Variants in CCDC171 observed in about 807,000 individuals in gnomAD.
CCDC171 encodes the protein coiled-coil domain containing 171.
CCDC171 carries 177 observed loss-of-function variants against 168.2 expected under a neutral mutation model. The ratio of observed to expected loss-of-function variants is 1.05; its 90% confidence interval spans 0.93 to 1.19. The LOEUF (loss-of-function observed/expected upper bound fraction) is 1.19. Among genes scored for constraint, CCDC171 ranks in the 50% most tolerant of loss-of-function variants. The probability of loss-of-function intolerance (pLI) is 0.00; values close to 1 mark genes in which losing one functional copy is unlikely to be tolerated. For missense variants in CCDC171, 1,991 were observed against 1,539.0 expected (o/e 1.29, Z -4.91); for synonymous variants, 687 against 540.8 (o/e 1.27, Z -3.75).
chr9:15,633,825 C>T (rs1217272563), intron 7 of CCDC171, among the ~76,000 whole-genome samples: 3 of 152,194 alleles, frequency 2.0e-5, no homozygotes, highest in South Asian at 2.1e-4. Flanking sequence ...AGATATACAC[C>T]ATGGAATAGT....
rs371330850 is a variant in CCDC171 at position 15,609,624 on chromosome 9, A to G, written c.676-13643A>G. 2.6e-5 allele frequency among the ~76,000 whole-genome samples: 4 copies of G among 152,258 alleles called. No homozygotes were observed. In the South Asian group the frequency reaches 6.2e-4, roughly 24 times the overall value. ...ATTGATTTATAGTGTCATTTCCATCATACATCAAGTTCTTTTATATCTAAG... is the reference window on the plus strand; with the variant it reads ...ATTGATTTATAGTGTCATTTCCATCGTACATCAAGTTCTTTTATATCTAAG... On this transcript the variant is annotated intron_variant, in intron 6 of 25. Coordinates refer to ENST00000380701, the MANE Select transcript of CCDC171 (RefSeq NM_173550.4).
chr9:15,671,349 TTTTATC>T (rs1234265750), intron 9 of CCDC171, among the ~76,000 whole-genome samples: 1 of 152,032 alleles, frequency 6.6e-6, no homozygotes, highest in African/African-American at 2.4e-5. Context: ...TTAAATTTAT[TTTTATC>T]TTTATTTTTT....
At chr9:15,967,271 C>T (rs1346987116) in intron 25 of CCDC171, among the ~76,000 whole-genome samples, 2 of 152,148 alleles carry the variant, frequency 1.3e-5, no homozygotes, top group Admixed American at 6.5e-5. Flanking sequence ...TTGATTTCTT[C>T]ATCTGTTTAT....
downstream of CCDC171, chr9:16,061,459 T>A (rs1833930097): frequency 6.6e-6 from 1 of 152,224 alleles, no homozygotes; most frequent in Admixed American, 6.5e-5. Context: ...CTTTGTAGCC[T>A]CATGTTTATT....
chr9:15,960,440 C>T (rs1240769336), intron 25 of CCDC171, among the ~76,000 whole-genome samples: 3 of 152,074 alleles, frequency 2.0e-5, no homozygotes, highest in Non-Finnish European at 2.9e-5. Flanking sequence ...TATCTTTATG[C>T]ATTATGCAAG....
At chr9:15,636,069 T>G (rs1300633012) in intron 7 of CCDC171, among the ~76,000 whole-genome samples, 1 of 152,190 alleles carries the variant, frequency 6.6e-6, no homozygotes, top group Non-Finnish European at 1.5e-5. Context: ...ATGTGCTTAT[T>G]AGGCATTCAT....
At chr9:15,664,861 G>A (rs1446635447) in intron 8 of CCDC171, among the ~76,000 whole-genome samples, 6 of 151,688 alleles carry the variant, frequency 4.0e-5, no homozygotes, top group Non-Finnish European at 8.8e-5. Flanking sequence ...ACCACGCCTG[G>A]CTCATTTTGT....
chr9:16,011,156 G>T (rs1363865999), intron 3 of CCDC171, among the ~76,000 whole-genome samples: 1 of 152,116 alleles, frequency 6.6e-6, no homozygotes, highest in Non-Finnish European at 1.5e-5. Flanking sequence ...CTCCTGGCAC[G>T]TGTATGTTGG....
intron 3 of CCDC171, among the ~76,000 whole-genome samples, chr9:15,575,808 C>T (rs1047916992): frequency 5.3e-5 from 8 of 152,268 alleles, no homozygotes; most frequent in Non-Finnish European, 1.0e-4. Flanking sequence ...ATTATAGTTA[C>T]AGGATGGGTG....
rs1405823732 is a variant in CCDC171, at chr9:15,972,727, A to G, written c.*891A>G. The G allele has an allele frequency of 2.0e-5, 3 of 152,130 alleles. No homozygotes were observed. Among genetic ancestry groups the G allele is most frequent in the African/African-American group, 7.2e-5 (3 of 41,420 alleles). The allele number at this position is 152,130 out of a possible 1,614,324, so 9.4% of individuals were successfully genotyped here. On this transcript the variant is annotated 3_prime_UTR_variant, in exon 26 of 26. Coordinates refer to ENST00000380701, the MANE Select transcript of CCDC171 (RefSeq NM_173550.4). ...TTGGTAGGACCCAAGAGTGACACCCATCTTTGATGCTGACAGAATTTAAAA... is the reference window on the plus strand; with the variant it reads ...TTGGTAGGACCCAAGAGTGACACCCGTCTTTGATGCTGACAGAATTTAAAA...
rs2061268706 is a variant in CCDC171, at chr9:15,854,436, C to A, written c.3468+5489C>A. Among the ~76,000 whole-genome samples, 3 of 151,224 alleles carry A rather than the reference C, an allele frequency of 2.0e-5. No individual in the cohort carries two copies. The South Asian group carries it at 6.2e-4, about 31-fold the overall frequency. Reference sequence around the variant, plus strand: ...ATTTCTGTAAGGTTAGTAGTAATGTCCTCATTTTTATTTCTGATTTTAGTA... The same window carrying A: ...ATTTCTGTAAGGTTAGTAGTAATGTACTCATTTTTATTTCTGATTTTAGTA... On this transcript the variant is annotated intron_variant, in intron 23 of 25. Transcript: ENST00000380701.
chr9:15,926,650 C>A (rs936603591), intron 25 of CCDC171, among the ~76,000 whole-genome samples: 3 of 151,592 alleles, frequency 2.0e-5, no homozygotes, highest in Admixed American at 6.6e-5. Flanking sequence ...ACACTCTAAT[C>A]ATCAGTTTTG....
chr9:15,603,894 C>G (rs2043041496), intron 6 of CCDC171, among the ~76,000 whole-genome samples: 1 of 152,230 alleles, frequency 6.6e-6, no homozygotes, highest in African/African-American at 2.4e-5. Flanking sequence ...TCCTCTTTCA[C>G]TGCAACCTTG....
intron 24 of CCDC171, among the ~76,000 whole-genome samples, chr9:15,904,848 C>T (rs552717070): frequency 0.024 from 3,619 of 147,972 alleles, 103 homozygotes; most frequent in African/African-American, 0.083. Context: ...AAATGGAAAA[C>T]AAAAAAAGGC....
intron 3 of CCDC171, among the ~76,000 whole-genome samples, chr9:16,000,298 A>C (rs183460398): frequency 3.1e-4 from 47 of 152,292 alleles, no homozygotes; most frequent in Admixed American, 2.7e-3. Flanking sequence ...TCTATAGAAT[A>C]AGTTTCAAAA....
rs372596980 is a variant in CCDC171 at position 15,594,053 on chromosome 9, A to G, written c.556A>G (p.Lys186Glu). The G allele has an allele frequency of 9.0e-5, 143 of 1,588,380 alleles. No homozygotes were observed. Among genetic ancestry groups the G allele is most frequent in the Non-Finnish European group, 1.1e-4 (133 of 1,166,882 alleles). ...LEKTLQEALE[K>E]HQREKNEMES... Reference sequence around the variant, plus strand: ...TATTTATATAAAGGAAGCGTTGGAAAAACATCAACGGGAGAAGAATGAGAT... The same window carrying G: ...TATTTATATAAAGGAAGCGTTGGAAGAACATCAACGGGAGAAGAATGAGAT... The change falls in exon 6 of 26, where the codon AAA becomes GAA. Residue 186 changes from lysine (K) to glutamate (E), a missense_variant. Transcript: ENST00000380701.
chr9:16,050,623 C>G (rs1235948725), intron 1 of CCDC171, among the ~76,000 whole-genome samples: 1 of 152,248 alleles, frequency 6.6e-6, no homozygotes, highest in Non-Finnish European at 1.5e-5. Flanking sequence ...GTTTTATGCA[C>G]TTTTTTGCAA....
At chr9:15,767,323 A>T (rs922956153) in intron 18 of CCDC171, among the ~76,000 whole-genome samples, 17 of 152,260 alleles carry the variant, frequency 1.1e-4, no homozygotes, top group African/African-American at 3.9e-4. Flanking sequence ...TGCTTTCCTT[A>T]GTTTATAGCT....
At chr9:15,678,642 A>C in intron 9 of CCDC171, 116 bp from the exon 10 acceptor site, 2 of 755,858 alleles carry the variant, frequency 2.6e-6, no homozygotes, top group Non-Finnish European at 4.0e-6. Flanking sequence ...AGCCTTAAAA[A>C]GTCTTTTAGC....
Sources: gnomAD v4.1 joint callset for allele counts (sites outside exome capture counted in the v4.1 genomes callset) on GRCh38, gnomAD v4.1.1 for gene constraint, MANE v1.5 for transcripts, NCBI Gene and HGNC (gene_info 2026-07-23, HGNC 2026-07-21) for gene names.